NCKAP5: variants seen among roughly 807,000 people sequenced by gnomAD.
The protein encoded by NCKAP5 is NCK associated protein 5.
A neutral mutation model predicts 167.0 loss-of-function variants in NCKAP5; 92 were observed. The ratio of observed to expected loss-of-function variants is 0.55; its 90% CI spans 0.47 to 0.66. NCKAP5 has a LOEUF of 0.66. Ranked by LOEUF, NCKAP5 falls within the 30% of genes least tolerant of loss-of-function variation. NCKAP5 has a pLI of 0.00. For synonymous variants in NCKAP5, 891 were observed against 877.4 expected (o/e 1.02, Z -0.27); for missense variants, 2,378 against 2,315.0 (o/e 1.03, Z -0.56).
At chr2:133,671,755 C>CAAT in the NCKAP5 span, among the ~76,000 whole-genome samples, 7 of 152,188 alleles carry the variant, frequency 4.6e-5, no homozygotes, top group East Asian at 1.4e-3. Context: ...ACAACAACAA[C>CAAT]AACAACAAAA....
In NCKAP5 at chr2:133,542,814, T is replaced by C. The variant is rs118051144; in HGVS notation, c.-62+16236A>G. Among the ~76,000 whole-genome samples, 942 of 152,354 alleles carry C rather than the reference T, an allele frequency of 6.2e-3. 26 individuals are homozygous for C. The highest frequency in any genetic ancestry group is 0.054 in the Admixed American group (829 of 15,302). ...TGAAGGTCTTCTACTTCTGGTGCAG[T>C]ATTGGCATATGGATAAAATCAGGAG... On this transcript the variant is annotated intron_variant, in intron 2 of 19. Coordinates refer to ENST00000409261, the MANE Select transcript of NCKAP5 (RefSeq NM_207363.3).
intron 6 of NCKAP5, among the ~76,000 whole-genome samples, chr2:133,064,665 G>C (rs2080126746): frequency 6.6e-6 from 1 of 152,144 alleles, no homozygotes; most frequent in Admixed American, 6.5e-5. Flanking sequence ...AAATGTTACT[G>C]TCCATCGTTG....
At chr2:132,771,393 GT>G (rs149753635) in intron 16 of NCKAP5, among the ~76,000 whole-genome samples, 2,641 of 152,244 alleles carry the variant, frequency 0.017, 84 homozygotes, top group African/African-American at 0.06. Context: ...CAATGTGTTT[GT>G]TTTAAGCTAA....
At chr2:133,100,180 C>T (rs2081464713) in intron 6 of NCKAP5, among the ~76,000 whole-genome samples, 1 of 152,192 alleles carries the variant, frequency 6.6e-6, no homozygotes, top group Admixed American at 6.5e-5. Flanking sequence ...ATTTCAAGTA[C>T]ACCGAATCTC....
Position 132,785,380 on chromosome 2 carries a change from A to T in NCKAP5, c.1431T>A (p.Asp477Glu). ...TFVYDLDSHV[D>E]ADDDPSTLAL... ...CTAAGGTGGAAGGGTCATCGTCCGC[A>T]TCAACGTGGGAATCTAGATCATAAA... is the stretch of plus-strand genomic sequence containing the variant. Residue 477 changes from aspartate (D) to glutamate (E), a missense_variant, in exon 14 of 20, where the codon GAT (aspartate) becomes GAA (glutamate). Asp to Glu is a conservative substitution (Grantham distance 45). Around this residue, in one of 3 missense-constraint regions of NCKAP5, gnomAD observed 1,049 missense variants for 1,023.4 expected, o/e 1.02. Coordinates refer to ENST00000409261, the MANE Select transcript of NCKAP5 (RefSeq NM_207363.3). The T allele has an allele frequency of 6.2e-7, 1 of 1,614,008 alleles. No homozygotes were observed. The highest frequency in any genetic ancestry group is 8.5e-7 in the Non-Finnish European group (1 of 1,179,896).
At chr2:133,624,526 C>T in the NCKAP5 span, among the ~76,000 whole-genome samples, 20,199 of 152,102 alleles carry the variant, frequency 0.13, 1,874 homozygotes, top group African/African-American at 0.26. Context: ...CCTTGGTGTT[C>T]TTCGTTCAGG....
chr2:133,209,891 G>A (rs551364912), intron 5 of NCKAP5, among the ~76,000 whole-genome samples: 1 of 152,208 alleles, frequency 6.6e-6, no homozygotes, highest in African/African-American at 2.4e-5. Context: ...ATCTCAGCCA[G>A]GTGTGGTGGC....
intron 2 of NCKAP5, among the ~76,000 whole-genome samples, 194 bp from the exon 3 acceptor site, chr2:133,517,781 G>A (rs1684134136): frequency 1.3e-5 from 2 of 152,162 alleles, no homozygotes; most frequent in South Asian, 4.1e-4. Flanking sequence ...GGCGGCCCCT[G>A]TGTTTTTATA....
At chr2:132,847,290 T>C (rs1003988321) in intron 11 of NCKAP5, among the ~76,000 whole-genome samples, 4 of 152,198 alleles carry the variant, frequency 2.6e-5, no homozygotes, top group African/African-American at 9.6e-5. Context: ...TTGTACTAAG[T>C]ACCTTACATA....
rs572247100 is a variant in NCKAP5, at chr2:133,524,155, CA to C, written c.-61-6569del. ...CAAACATTATTATTTTAAGATTCTT[CA>C]ATATTTCCAAGGTGCAGTCAATGGA... On this transcript the variant is annotated intron_variant, in intron 2 of 19. Transcript: ENST00000409261. Among the ~76,000 whole-genome samples the C allele has an allele frequency of 1.1e-3, 170 of 152,258 alleles. 1 individual carries two copies. Among genetic ancestry groups the C allele is most frequent in the African/African-American group, 3.8e-3 (156 of 41,544 alleles).
At chr2:133,620,983 C>T in the NCKAP5 span, among the ~76,000 whole-genome samples, 1 of 152,004 alleles carries the variant, frequency 6.6e-6, no homozygotes, top group East Asian at 1.9e-4. Flanking sequence ...CAAAACCATG[C>T]GAATACATGG....
At chr2:133,131,765 TA>T (rs1219333594) in intron 5 of NCKAP5, among the ~76,000 whole-genome samples, 5 of 152,174 alleles carry the variant, frequency 3.3e-5, no homozygotes, top group Non-Finnish European at 5.9e-5. Flanking sequence ...ATAAATGGGT[TA>T]ATTAAAGTTA....
At chr2:132,982,590 T>C (rs1335621934) in intron 7 of NCKAP5, among the ~76,000 whole-genome samples, 2 of 152,332 alleles carry the variant, frequency 1.3e-5, no homozygotes, top group East Asian at 3.9e-4. Context: ...ATGCTCAGGT[T>C]AGGGGTATGA....
At chr2:132,963,588 G>T in intron 8 of NCKAP5, 132 bp downstream of exon 8, 1 of 956,430 alleles carries the variant, frequency 1.0e-6, no homozygotes, top group Non-Finnish European at 1.5e-6. Context: ...AATCTCAGCA[G>T]GAAATCGTAG....
intron 5 of NCKAP5, among the ~76,000 whole-genome samples, chr2:133,171,538 T>C (rs981000935): frequency 6.6e-6 from 1 of 152,168 alleles, no homozygotes; most frequent in African/African-American, 2.4e-5. Flanking sequence ...GCATTCAACT[T>C]GCCAAGAAAA....
At chr2:133,325,319 G>T (rs941117382) in intron 3 of NCKAP5, among the ~76,000 whole-genome samples, 1 of 152,196 alleles carries the variant, frequency 6.6e-6, no homozygotes, top group Non-Finnish European at 1.5e-5. Context: ...AAAGGAAGAA[G>T]AAAACTAGAT....
intron 8 of NCKAP5, among the ~76,000 whole-genome samples, chr2:132,911,756 A>G (rs1339372225): frequency 6.6e-6 from 1 of 152,192 alleles, no homozygotes; most frequent in African/African-American, 2.4e-5. Context: ...TTCCCATCCT[A>G]AAGAGGTAAC....
chr2:132,958,639 C>T (rs932124407), intron 8 of NCKAP5, among the ~76,000 whole-genome samples: 3 of 152,106 alleles, frequency 2.0e-5, no homozygotes, highest in African/African-American at 7.2e-5. Flanking sequence ...ACCTTGTGTC[C>T]CAGGACAGAC....
At chr2:132,739,218 G>A (rs1276451537) in intron 16 of NCKAP5, among the ~76,000 whole-genome samples, 1 of 152,134 alleles carries the variant, frequency 6.6e-6, no homozygotes, top group African/African-American at 2.4e-5. Flanking sequence ...GCAGATTCAA[G>A]TGTCTCCATC....
Sources: gnomAD v4.1 joint callset for allele counts (sites outside exome capture counted in the v4.1 genomes callset) on GRCh38, gnomAD v4.1.1 for gene constraint, gnomAD v4.1.1 regional missense constraint, MANE v1.5 for transcripts, NCBI Gene and HGNC (gene_info 2026-07-23, HGNC 2026-07-21) for gene names.